MCPH1: variants seen among roughly 807,000 people sequenced by gnomAD.
The protein encoded by MCPH1 is microcephalin.
Under a neutral mutation model 84.5 loss-of-function variants are expected in MCPH1, and 104 were observed. That is an observed-to-expected ratio of 1.23 (90% CI 1.05 to 1.45). The LOEUF is 1.45. MCPH1 is among the 40% of genes most tolerant of loss of function. The pLI is 0.00. For missense variants in MCPH1, 1,498 were observed against 1,005.7 expected, an observed-to-expected ratio of 1.49 and a Z score of -6.62; for synonymous variants, 514 against 366.8, an observed-to-expected ratio of 1.40 and a Z score of -4.58.
At chr8:6,479,847 G>A (rs747090358) in intron 10 of MCPH1, among the ~76,000 whole-genome samples, 55 of 152,186 alleles carry the variant, frequency 3.6e-4, no homozygotes, top group Admixed American at 9.2e-4. Flanking sequence ...GGGAATGACA[G>A]AGCAGGAGAT....
chr8:6,635,395 A>G (rs1310339999), intron 13 of MCPH1: 1 of 152,204 alleles, frequency 6.6e-6, no homozygotes, highest in East Asian at 1.9e-4. Context: ...CAATCATGTC[A>G]GCTTATAAAA....
At chr8:6,505,503 GTATATATAGAATATA>G (rs1813383872) in intron 12 of MCPH1, among the ~76,000 whole-genome samples, 1 of 4,020 alleles carries the variant, frequency 2.5e-4, no homozygotes, top group Non-Finnish European at 7.5e-4. Context: ...CTTTATATAT[GTATATATAGAATATA>G]TATTCTTTAT....
intron 11 of MCPH1, among the ~76,000 whole-genome samples, chr8:6,488,466 T>C (rs1810190753): frequency 6.6e-6 from 1 of 152,190 alleles, no homozygotes; most frequent in Admixed American, 6.5e-5. Context: ...GAGAAGACTG[T>C]GGAGTCACCC....
At chr8:6,417,829 A>G (rs1799535918) in intron 3 of MCPH1, among the ~76,000 whole-genome samples, 2 of 152,142 alleles carry the variant, frequency 1.3e-5, no homozygotes, top group South Asian at 2.1e-4. Context: ...ATAGTGTGTC[A>G]CATTTTTCTG....
intron 12 of MCPH1, among the ~76,000 whole-genome samples, chr8:6,521,696 G>A (rs996574300): frequency 5.9e-5 from 9 of 152,316 alleles, no homozygotes; most frequent in Non-Finnish European, 7.3e-5. Flanking sequence ...GGATATGGGT[G>A]TTTTTTGTAT....
intron 8 of MCPH1, among the ~76,000 whole-genome samples, chr8:6,450,778 T>C (rs1229063743): frequency 2.6e-5 from 4 of 152,078 alleles, no homozygotes; most frequent in African/African-American, 7.2e-5. Context: ...GGTCTCACTC[T>C]GTCACCCAAA....
intron 12 of MCPH1, among the ~76,000 whole-genome samples, chr8:6,537,221 A>T (rs1820661561): frequency 6.6e-6 from 1 of 152,090 alleles, no homozygotes; most frequent in African/African-American, 2.4e-5. Context: ...TCTGAAGAGG[A>T]TTATTCCATG....
chr8:6,590,639 C>G (rs1222846117), intron 12 of MCPH1, among the ~76,000 whole-genome samples: 1 of 152,170 alleles, frequency 6.6e-6, no homozygotes, highest in Non-Finnish European at 1.5e-5. Flanking sequence ...CAAGCAATAG[C>G]TTAAGAAAAA....
Position 6,444,581 on chromosome 8 carries a change from A to T in MCPH1, c.859A>T (p.Ser287Cys), listed in dbSNP as rs149813931. Reference protein sequence around the residue: ...SPSFTHLDKSSPQKFLSNLSK... With the variant: ...SPSFTHLDKSCPQKFLSNLSK... The stretch of plus-strand genomic sequence containing the variant: ...ATCTTTCACTCACCTCGATAAATCA[A>T]GTCCTCAGAAATTTCTGAGTAATCT... Residue 287 changes from serine (S) to cysteine (C), a missense_variant, in exon 8 of 14, where the codon AGT becomes TGT. By Grantham distance (112) the Ser-to-Cys change is moderately radical. Transcript: ENST00000344683. 1.9e-6 allele frequency: 3 copies of T among 1,614,106 alleles called. No homozygotes were observed. Among genetic ancestry groups the T allele is most frequent in the Middle Eastern group, 1.6e-4 (1 of 6,084 alleles).
intron 12 of MCPH1, among the ~76,000 whole-genome samples, chr8:6,547,905 C>G (rs1233939656): frequency 6.7e-6 from 1 of 148,612 alleles, no homozygotes; most frequent in East Asian, 2.0e-4. Flanking sequence ...TTTTTTTTAA[C>G]CAAAACTCAC....
intron 13 of MCPH1, chr8:6,627,227 T>G: frequency 1.0e-6 from 1 of 985,378 alleles, no homozygotes; most frequent in Non-Finnish European, 1.2e-6. Context: ...AGTAGATATG[T>G]GAGGCTTGAT....
At chr8:6,413,945 G>A (rs1371860067) in intron 2 of MCPH1, among the ~76,000 whole-genome samples, 2 of 152,038 alleles carry the variant, frequency 1.3e-5, no homozygotes, top group African/African-American at 4.8e-5. Context: ...AGTAGAGACA[G>A]GGTTTTTCCA....
chr8:6,592,061 A>C (rs563984674), intron 12 of MCPH1, among the ~76,000 whole-genome samples: 1 of 152,312 alleles, frequency 6.6e-6, no homozygotes, highest in African/African-American at 2.4e-5. Context: ...TTATACCTAT[A>C]TTCATGAAAG....
At chr8:6,498,908 C>T (rs1811613660) in intron 11 of MCPH1, among the ~76,000 whole-genome samples, 1 of 151,912 alleles carries the variant, frequency 6.6e-6, no homozygotes, top group Admixed American at 6.6e-5. Context: ...AAAAATTAGC[C>T]AGGTGTGGTG....
chr8:6,638,406 C>G (rs1586897004), intron 13 of MCPH1, among the ~76,000 whole-genome samples: 2 of 152,178 alleles, frequency 1.3e-5, no homozygotes, highest in South Asian at 2.1e-4. Flanking sequence ...TGGATGCTGG[C>G]AATCGCAGTT....
At chr8:6,534,472 T>C (rs1489242427) in intron 12 of MCPH1, among the ~76,000 whole-genome samples, 1 of 152,132 alleles carries the variant, frequency 6.6e-6, no homozygotes, top group Non-Finnish European at 1.5e-5. Flanking sequence ...GCTCCAAGCA[T>C]GTGTAAAATC....
chr8:6,452,736 C>A (rs1805228329), intron 8 of MCPH1, among the ~76,000 whole-genome samples: 1 of 152,224 alleles, frequency 6.6e-6, no homozygotes, highest in Middle Eastern at 3.2e-3. Context: ...AAGGTAGCCT[C>A]CTTCAAGCCA....
chr8:6,487,770 G>T (rs566274386), intron 11 of MCPH1, among the ~76,000 whole-genome samples: 2 of 152,280 alleles, frequency 1.3e-5, no homozygotes, highest in East Asian at 3.9e-4. Context: ...TCCTGCTACA[G>T]ATTATACCTT....
chr8:6,485,509 C>T (rs776188656), intron 11 of MCPH1, among the ~76,000 whole-genome samples: 71 of 151,690 alleles, frequency 4.7e-4, no homozygotes, highest in Middle Eastern at 6.8e-3. Flanking sequence ...ACTGAAGCTT[C>T]ATCCCAGCTT....
Sources: gnomAD v4.1 joint callset for allele counts (sites outside exome capture counted in the v4.1 genomes callset) on GRCh38, gnomAD v4.1.1 for gene constraint, MANE v1.5 for transcripts, NCBI Gene and HGNC (gene_info 2026-07-23, HGNC 2026-07-21) for gene names.